The following RALGAPB variants were observed in gnomAD, a reference collection of about 807,000 sequenced individuals.
RALGAPB encodes Ral GTPase activating protein non-catalytic subunit beta, also known as ral GTPase-activating protein subunit beta.
Under a neutral mutation model 161.1 loss-of-function variants are expected in RALGAPB, and 25 were observed. The ratio of observed to expected loss-of-function variants is 0.16; its 90% CI spans 0.11 to 0.22. RALGAPB has a LOEUF of 0.22. Among genes scored for constraint, RALGAPB ranks in the 10% least tolerant of loss-of-function variants. The pLI, the probability that RALGAPB is intolerant of heterozygous loss-of-function variation, is 1.00. For missense variants in RALGAPB, 1,391 were observed against 1,815.2 expected, an observed-to-expected ratio of 0.77 and a Z score of 4.25; for synonymous variants, 629 against 626.1, an observed-to-expected ratio of 1.00 and a Z score of -0.07.
chr20:38,571,056 C>T (rs2088218053), intron 28 of RALGAPB, among the ~76,000 whole-genome samples: 1 of 152,110 alleles, frequency 6.6e-6, no homozygotes, highest in Non-Finnish European at 1.5e-5. Context: ...TGAAGTATAA[C>T]TGATTGACTT....
intron 26 of RALGAPB, 113 bp downstream of exon 26, chr20:38,567,345 C>T: frequency 3.0e-6 from 4 of 1,319,944 alleles, no homozygotes; most frequent in Non-Finnish European, 4.0e-6. Context: ...AGTACTGATT[C>T]CTTAGTAACT....
intron 23 of RALGAPB, among the ~76,000 whole-genome samples, chr20:38,559,020 A>G (rs949878010): frequency 3.3e-5 from 5 of 152,220 alleles, no homozygotes; most frequent in South Asian, 2.1e-4. Context: ...AAGACTTGCT[A>G]TGAACCAGTT....
At position 38,532,750 on chromosome 20, in the gene RALGAPB, G is replaced by T. The variant is rs750694517; in HGVS notation, c.2136G>T (p.Leu712=). 1 of 1,613,948 alleles carries T rather than the reference G, an allele frequency of 6.2e-7. No homozygotes were observed. Among genetic ancestry groups the T allele is most frequent in the Non-Finnish European group, 8.5e-7 (1 of 1,179,838 alleles). ...QMEMGGGENN[L]KSHSRTNSGI... ...ACTAGGGTGGTGGAGAAAATAACCTGAAGAGTCATAGTCGCACCAATAGTG... is the reference window on the plus strand; with the variant it reads ...ACTAGGGTGGTGGAGAAAATAACCTTAAGAGTCATAGTCGCACCAATAGTG... Residue 712 remains leucine (L), a synonymous_variant, in exon 15 of 30, where the codon CTG becomes CTT. Transcript: ENST00000262879.
chr20:38,558,857 G>C (rs1001517103), intron 23 of RALGAPB, among the ~76,000 whole-genome samples: 1 of 152,166 alleles, frequency 6.6e-6, no homozygotes, highest in Non-Finnish European at 1.5e-5. Flanking sequence ...TAGCTCAAGC[G>C]GGAGTGAGAT....
In RALGAPB at chr20:38,534,985, G is replaced by A. The variant is rs1419500444; in HGVS notation, c.2246-89G>A. 5 of 1,466,610 alleles carry A rather than the reference G, an allele frequency of 3.4e-6. No homozygotes were observed. In the African/African-American group the frequency reaches 5.6e-5, roughly 16 times the overall value. The allele number at this position is 1,466,610 out of a possible 1,614,324, so 90.8% of individuals were successfully genotyped here. On this transcript the variant is annotated intron_variant, in intron 15 of 29. Transcript: ENST00000262879. ...CGTCGTTCTCACTGTGGCTGCTGTG[G>A]TCTGTGCCTAGTGGATGCTGTGCTT... is the stretch of plus-strand genomic sequence containing the variant.
At chr20:38,487,785 C>T (rs1018405398) in intron 1 of RALGAPB, among the ~76,000 whole-genome samples, 6 of 151,918 alleles carry the variant, frequency 3.9e-5, no homozygotes, top group Non-Finnish European at 5.9e-5. Flanking sequence ...ATGTATTTTC[C>T]GCTGGGCACG....
chr20:38,572,562 C>G (rs1322969253), intron 28 of RALGAPB, among the ~76,000 whole-genome samples: 1 of 152,142 alleles, frequency 6.6e-6, no homozygotes, highest in African/African-American at 2.4e-5. Flanking sequence ...TGAGCTGATT[C>G]AAATTGCATA....
intron 2 of RALGAPB, among the ~76,000 whole-genome samples, chr20:38,489,085 C>G (rs2085203864): frequency 6.6e-6 from 1 of 152,200 alleles, no homozygotes; most frequent in Non-Finnish European, 1.5e-5. Context: ...TGTCCCCATC[C>G]CTACCTACTC....
Position 38,539,833 on chromosome 20 carries a change from T to C in RALGAPB, c.2437T>C (p.Tyr813His). Reference protein sequence around the residue: ...RKRAISSVCTYIVYQCSRPAP... With the variant: ...RKRAISSVCTHIVYQCSRPAP... Reference sequence around the variant, plus strand: ...GCGAGCCATCAGTTCTGTGTGCACCTACATTGTTTATCAGTGTAGTCGGCC... The same window carrying C: ...GCGAGCCATCAGTTCTGTGTGCACCCACATTGTTTATCAGTGTAGTCGGCC... The change falls in exon 17 of 30, where the codon TAC (tyrosine) becomes CAC (histidine). Residue 813 changes from tyrosine to histidine, a missense_variant. This residue lies in a region of RALGAPB where 946 missense variants were observed against 1,257.2 expected (regional missense o/e 0.75). Coordinates refer to ENST00000262879, the MANE Select transcript of RALGAPB (RefSeq NM_020336.4). 1 of 1,614,094 alleles carries C rather than the reference T, an allele frequency of 6.2e-7. No individual in the cohort carries two copies. The highest frequency in any genetic ancestry group is 8.5e-7 in the Non-Finnish European group (1 of 1,179,968).
At chr20:38,554,145 A>T in intron 22 of RALGAPB, 69 bp downstream of exon 22, 1 of 1,340,166 alleles carries the variant, frequency 7.5e-7, no homozygotes, top group Non-Finnish European at 1.1e-6. Context: ...TAGCTAAAAT[A>T]TTTTTATCAG....
intron 16 of RALGAPB, among the ~76,000 whole-genome samples, chr20:38,537,541 T>C (rs1410641729): frequency 1.3e-5 from 2 of 152,186 alleles, no homozygotes; most frequent in Non-Finnish European, 2.9e-5. Flanking sequence ...ATAGATTTCT[T>C]AGGTGTTACG....
intron 1 of RALGAPB, among the ~76,000 whole-genome samples, chr20:38,476,712 C>T (rs560286161): frequency 1.3e-5 from 2 of 152,154 alleles, no homozygotes; most frequent in African/African-American, 4.8e-5. Flanking sequence ...ACCTACTGAA[C>T]AGAATAGCTT....
intron 6 of RALGAPB, among the ~76,000 whole-genome samples, chr20:38,512,496 A>C (rs12329480): frequency 0.073 from 11,151 of 152,324 alleles, 1,423 homozygotes; most frequent in African/African-American, 0.25. Context: ...AAGAAGAAAA[A>C]GCATGTAAAA....
intron 19 of RALGAPB, 117 bp downstream of exon 19, chr20:38,546,547 TTC>T: frequency 7.1e-7 from 1 of 1,403,936 alleles, no homozygotes; most frequent in Non-Finnish European, 9.8e-7. Flanking sequence ...TCAGAAAGAT[TTC>T]TAGCTGTGGG....
At chr20:38,550,592 A>G (rs1030314689) in intron 20 of RALGAPB, among the ~76,000 whole-genome samples, 2 of 152,252 alleles carry the variant, frequency 1.3e-5, no homozygotes, top group African/African-American at 4.8e-5. Flanking sequence ...ATATTAAAGC[A>G]TGGATTTGGA....
At chr20:38,508,033 A>G (rs940741639) in intron 5 of RALGAPB, among the ~76,000 whole-genome samples, 1 of 151,810 alleles carries the variant, frequency 6.6e-6, no homozygotes, top group Non-Finnish European at 1.5e-5. Flanking sequence ...AACTTCATGT[A>G]AAACTATTAT....
intron 1 of RALGAPB, among the ~76,000 whole-genome samples, chr20:38,473,984 G>A (rs2122792880): frequency 6.6e-6 from 1 of 152,280 alleles, no homozygotes; most frequent in East Asian, 1.9e-4. Context: ...TGTTAAACTT[G>A]CAGGTTCCAC....
chr20:38,570,512 T>A (rs923730684), intron 27 of RALGAPB, among the ~76,000 whole-genome samples: 1 of 152,214 alleles, frequency 6.6e-6, no homozygotes, highest in Non-Finnish European at 1.5e-5. Flanking sequence ...GAAAGTGTGA[T>A]AGTTACTTTT....
At position 38,488,362 on chromosome 20, in the gene RALGAPB, A is replaced by G. The variant is rs1186253375; in HGVS notation, c.-30-41A>G. On this transcript the variant is annotated intron_variant, in intron 1 of 29. Transcript: ENST00000262879. ...GTTTTATTTATTTCTGTTAATTTCCAATAGTATAATTTGACATGCATTTCT... is the reference window on the plus strand; with the variant it reads ...GTTTTATTTATTTCTGTTAATTTCCGATAGTATAATTTGACATGCATTTCT... 5.5e-6 allele frequency: 7 copies of G among 1,261,530 alleles called. No homozygotes were observed. In the African/African-American group the frequency reaches 7.4e-5, roughly 13 times the overall value. 78.1% of individuals were successfully genotyped at this position (1,261,530 alleles called of 1,614,324 possible).
Sources: allele counts gnomAD v4.1 joint callset (sites outside exome capture counted in the v4.1 genomes callset), GRCh38; gene constraint gnomAD v4.1.1; regional missense constraint gnomAD v4.1.1; transcripts MANE v1.5; gene names NCBI Gene and HGNC (gene_info 2026-07-23, HGNC 2026-07-21).